The following DNAJC1 variants were observed in gnomAD, a reference collection of about 807,000 sequenced individuals.
DNAJC1 encodes DnaJ heat shock protein family (Hsp40) member C1, also known as dnaJ homolog subfamily C member 1.
In DNAJC1, 58 loss-of-function variants were observed where a neutral mutation model predicts 76.6. That is an observed-to-expected ratio of 0.76 (90% CI 0.61 to 0.94). The LOEUF (loss-of-function observed/expected upper bound fraction) is 0.94. Ranked by LOEUF, DNAJC1 falls within the 40% of genes least tolerant of loss-of-function variation. The pLI is 0.00. For missense variants in DNAJC1, 689 were observed against 677.3 expected, an observed-to-expected ratio of 1.02 and a Z score of -0.19; for synonymous variants, 258 against 267.9, an observed-to-expected ratio of 0.96 and a Z score of 0.36.
At chr10:21,812,449 T>C (rs1046230603) in intron 8 of DNAJC1, among the ~76,000 whole-genome samples, 3 of 152,224 alleles carry the variant, frequency 2.0e-5, no homozygotes, top group Non-Finnish European at 4.4e-5. Context: ...CATTTGTTAA[T>C]TGGTTGTCTT....
chr10:21,913,787 G>A (rs191728713), intron 6 of DNAJC1, among the ~76,000 whole-genome samples: 257 of 152,200 alleles, frequency 1.7e-3, no homozygotes, highest in African/African-American at 5.9e-3. Context: ...AGTGTCACGG[G>A]AGCTATATTT....
intron 8 of DNAJC1, among the ~76,000 whole-genome samples, chr10:21,831,434 G>A (rs1417886555): frequency 6.6e-6 from 1 of 152,292 alleles, no homozygotes; most frequent in Middle Eastern, 3.4e-3. Context: ...ACCAAAACTA[G>A]ATTTACTTTT....
intron 8 of DNAJC1, among the ~76,000 whole-genome samples, chr10:21,811,761 G>A (rs1274250991): frequency 6.6e-6 from 1 of 151,968 alleles, no homozygotes; most frequent in Non-Finnish European, 1.5e-5. Flanking sequence ...GAATAGAGCT[G>A]CTATGGATAT....
At chr10:21,846,595 G>A (rs1034605563) in intron 8 of DNAJC1, among the ~76,000 whole-genome samples, 2 of 152,076 alleles carry the variant, frequency 1.3e-5, no homozygotes, top group African/African-American at 4.8e-5. Flanking sequence ...TTTTAAAATT[G>A]AAATATAATA....
intron 8 of DNAJC1, among the ~76,000 whole-genome samples, chr10:21,809,237 A>C (rs1834927588): frequency 1.3e-5 from 2 of 152,054 alleles, no homozygotes; most frequent in African/African-American, 4.8e-5. Flanking sequence ...TGGCACTAAA[A>C]ATTATGGCCA....
rs145426533 is a variant in DNAJC1 at position 21,778,662 on chromosome 10, G to A, written c.1099-12353C>T. ...GAACAGCTCTAGTCTACAGCTCCCA[G>A]TGTGAGCGACGGAGAAGACGGGTGA... is the stretch of plus-strand genomic sequence containing the variant. On this transcript the variant is annotated intron_variant, in intron 9 of 11. Transcript: ENST00000376980. Among the ~76,000 whole-genome samples, 288 of 152,358 alleles carry A rather than the reference G, an allele frequency of 1.9e-3. 1 individual carries two copies. Among genetic ancestry groups the A allele is most frequent in the East Asian group, 8.7e-3 (45 of 5,190 alleles).
At chr10:21,781,762 C>T (rs1317234381) in intron 9 of DNAJC1, among the ~76,000 whole-genome samples, 1 of 145,646 alleles carries the variant, frequency 6.9e-6, no homozygotes, top group Admixed American at 6.9e-5. Flanking sequence ...AACCGCTCAA[C>T]TACATGGAAA....
rs1208564273 is a variant in DNAJC1, at chr10:21,871,336, C to CG, written c.978+10945dup. On this transcript the variant is annotated intron_variant, in intron 8 of 11. Transcript: ENST00000376980. Reference sequence around the variant, plus strand: ...TGCTGACATTAAGGCTATGTAGAAGCGGGGAAAAAAAAAAAAAAAAAAGGT... The same window carrying CG: ...TGCTGACATTAAGGCTATGTAGAAGCGGGGGAAAAAAAAAAAAAAAAAAGGT... Among the ~76,000 whole-genome samples, 275 of 119,278 alleles carry CG rather than the reference C, an allele frequency of 2.3e-3. 2 individuals are homozygous for CG. The highest frequency in any genetic ancestry group is 3.1e-3 in the Non-Finnish European group (186 of 60,362). 78.3% of individuals were successfully genotyped at this position (119,278 alleles called of 152,430 possible).
intron 1 of DNAJC1, among the ~76,000 whole-genome samples, chr10:21,957,900 CTT>C (rs1215766485): frequency 6.6e-6 from 1 of 152,080 alleles, no homozygotes; most frequent in Non-Finnish European, 1.5e-5. Context: ...TGACGGCAAA[CTT>C]AATGTACTAT....
intron 9 of DNAJC1, among the ~76,000 whole-genome samples, chr10:21,777,600 T>A (rs1834468971): frequency 6.6e-6 from 1 of 152,182 alleles, no homozygotes; most frequent in African/African-American, 2.4e-5. Context: ...TGATTTCACT[T>A]TGAAGATATT....
intron 8 of DNAJC1, among the ~76,000 whole-genome samples, chr10:21,821,183 G>A (rs576140988): frequency 1.3e-5 from 2 of 152,260 alleles, no homozygotes; most frequent in East Asian, 1.9e-4. Flanking sequence ...CTATCAGACT[G>A]AGTCCTGCTT....
At chr10:21,762,112 T>A (rs1834248082) in intron 10 of DNAJC1, among the ~76,000 whole-genome samples, 1 of 152,094 alleles carries the variant, frequency 6.6e-6, no homozygotes, top group African/African-American at 2.4e-5. Context: ...CTAATTTTTG[T>A]ATTTATAGAA....
At chr10:21,813,218 C>CTATATATATATA (rs1387541271) in intron 8 of DNAJC1, among the ~76,000 whole-genome samples, 1 of 29,626 alleles carries the variant, frequency 3.4e-5, no homozygotes, top group Non-Finnish European at 5.7e-5. Context: ...CTCTCTCTCT[C>CTATATATATATA]TCTATATATA....
intron 1 of DNAJC1, among the ~76,000 whole-genome samples, chr10:21,980,476 A>G (rs541579962): frequency 1.3e-5 from 2 of 152,142 alleles, no homozygotes; most frequent in Non-Finnish European, 2.9e-5. Flanking sequence ...ACTGTGGGAC[A>G]CTTTAAAATA....
chr10:21,785,312 T>G (rs899959498), intron 9 of DNAJC1: 4 of 152,208 alleles, frequency 2.6e-5, no homozygotes, highest in Non-Finnish European at 1.5e-5. Flanking sequence ...TATCTGCCAG[T>G]GATATTGCCA....
At position 22,003,509 on chromosome 10, in the gene DNAJC1, C is replaced by T. The variant is rs1048470337; in HGVS notation, c.-75G>A. ...GCTGGGACGTGGCGGGCGGCGCTGG[C>T]TGTGGGGAACAGCGCCTGTCAGTGA... On this transcript the variant is annotated 5_prime_UTR_variant, in exon 1 of 12. Coordinates refer to ENST00000376980, the MANE Select transcript of DNAJC1 (RefSeq NM_022365.4). 160 of 1,293,908 alleles carry T rather than the reference C, an allele frequency of 1.2e-4. No homozygotes were observed. In the African/African-American group the frequency reaches 2.3e-3, roughly 18 times the overall value. The allele number at this position is 1,293,908 out of a possible 1,614,324, so 80.2% of individuals were successfully genotyped here. A position where few individuals can be genotyped will look rare whatever the true frequency, so the allele number is the denominator to read the frequency against.
chr10:21,916,623 C>T (rs1836960320), intron 6 of DNAJC1, among the ~76,000 whole-genome samples: 1 of 152,040 alleles, frequency 6.6e-6, no homozygotes, highest in Admixed American at 6.6e-5. Context: ...CCTTTTTGAC[C>T]ACTGTTCCAA....
intron 1 of DNAJC1, among the ~76,000 whole-genome samples, chr10:22,000,303 A>C (rs546339276): frequency 6.6e-6 from 1 of 152,162 alleles, no homozygotes; most frequent in Non-Finnish European, 1.5e-5. Flanking sequence ...TCAGTACACT[A>C]AAGAGATCAT....
At chr10:21,943,744 C>G (rs527695134) in intron 1 of DNAJC1, among the ~76,000 whole-genome samples, 1 of 152,248 alleles carries the variant, frequency 6.6e-6, no homozygotes, top group East Asian at 1.9e-4. Context: ...GAGCATAGTA[C>G]CCCTGCCCAA....
Sources: gnomAD v4.1 joint callset for allele counts (sites outside exome capture counted in the v4.1 genomes callset) on GRCh38, gnomAD v4.1.1 for gene constraint, MANE v1.5 for transcripts, NCBI Gene and HGNC (gene_info 2026-07-23, HGNC 2026-07-21) for gene names.